The following ADAMTS16 variants were observed in gnomAD, a reference collection of about 807,000 sequenced individuals.
ADAMTS16 encodes the protein ADAM metallopeptidase with thrombospondin type 1 motif 16, also known as A disintegrin and metalloproteinase with thrombospondin motifs 16.
In ADAMTS16, 94 loss-of-function variants were observed where a neutral mutation model predicts 145.8. The ratio of observed to expected loss-of-function variants is 0.64; its 90% CI spans 0.55 to 0.77. The LOEUF is 0.77. ADAMTS16 is among the 30% of genes least tolerant of loss of function. The probability of loss-of-function intolerance (pLI) is 0.00; values close to 1 mark genes in which losing one functional copy is unlikely to be tolerated. For synonymous variants in ADAMTS16, 659 were observed against 604.3 expected (o/e 1.09, Z -1.33); for missense variants, 1,585 against 1,591.5 (o/e 1.00, Z 0.07).
intron 17 of ADAMTS16, among the ~76,000 whole-genome samples, chr5:5,257,978 C>T (rs1413535431): frequency 6.6e-6 from 1 of 152,174 alleles, no homozygotes; most frequent in East Asian, 1.9e-4. Context: ...CATGGGTTTA[C>T]TACAAAGGTT....
intron 10 of ADAMTS16, among the ~76,000 whole-genome samples, chr5:5,212,910 G>A (rs35676761): frequency 0.24 from 36,451 of 151,924 alleles, 5,629 homozygotes; most frequent in East Asian, 0.64. Context: ...TTTAAATTCA[G>A]TATTTTACCT....
intron 3 of ADAMTS16, among the ~76,000 whole-genome samples, chr5:5,179,159 A>G (rs767643489): frequency 3.3e-5 from 5 of 149,292 alleles, no homozygotes; most frequent in Non-Finnish European, 7.4e-5. Context: ...TAGATGACAG[A>G]GCAGCACAGA....
Position 5,241,853 on chromosome 5 carries a change from AT to A in ADAMTS16, c.2524-193del, listed in dbSNP as rs527241795. Among the ~76,000 whole-genome samples, 659 of 151,694 alleles carry A rather than the reference AT, an allele frequency of 4.3e-3. 6 individuals are homozygous for A. The highest frequency in any genetic ancestry group is 0.015 in the African/African-American group (635 of 41,368). ...TGTAAGGAGAAGGTACAGTCTAGAC[AT>A]TTTTTTAGATGAGCTTGAATCTAGA... On this transcript the variant is annotated intron_variant, in intron 16 of 22. Coordinates refer to ENST00000274181, the MANE Select transcript of ADAMTS16 (RefSeq NM_139056.4).
chr5:5,227,265 A>C (rs971073589), intron 11 of ADAMTS16, among the ~76,000 whole-genome samples: 2 of 152,156 alleles, frequency 1.3e-5, no homozygotes, highest in Non-Finnish European at 2.9e-5. Context: ...TGACGTGCTT[A>C]TTTTGTGAAC....
rs1735664337 is a variant in ADAMTS16 at position 5,191,634 on chromosome 5, T to G, written c.1208-51T>G. On this transcript the variant is annotated intron_variant, in intron 7 of 22. Coordinates refer to ENST00000274181, the MANE Select transcript of ADAMTS16 (RefSeq NM_139056.4). Reference sequence around the variant, plus strand: ...GGGTAGAAAATAAATATACTATGCTTTATTTTATTACAACACCGCTATGTG... The same window carrying G: ...GGGTAGAAAATAAATATACTATGCTGTATTTTATTACAACACCGCTATGTG... The G allele has an allele frequency of 2.1e-6, 3 of 1,452,534 alleles. No individual in the cohort carries two copies. In the Admixed American group the frequency reaches 5.2e-5, roughly 25 times the overall value. The allele number at this position is 1,452,534 out of a possible 1,614,324, so 90.0% of individuals were successfully genotyped here.
Position 5,319,231 on chromosome 5 carries a change from G to A in ADAMTS16, c.*93G>A. On this transcript the variant is annotated 3_prime_UTR_variant, in exon 23 of 23. Coordinates refer to ENST00000274181, the MANE Select transcript of ADAMTS16 (RefSeq NM_139056.4). ...GCAATCTACGTCGGAATACATCCAA[G>A]GAAGAGCAAAGCCAAAAGAAGAAAA... 2 of 946,036 alleles carry A rather than the reference G, an allele frequency of 2.1e-6. No homozygotes were observed. The highest frequency in any genetic ancestry group is 4.1e-5 in the Admixed American group (2 of 48,678). The allele number at this position is 946,036 out of a possible 1,614,324, so 58.6% of individuals were successfully genotyped here. A position where few individuals can be genotyped will look rare whatever the true frequency, so the allele number is the denominator to read the frequency against.
At chr5:5,299,072 C>A (rs1326324974) in intron 18 of ADAMTS16, among the ~76,000 whole-genome samples, 1 of 152,174 alleles carries the variant, frequency 6.6e-6, no homozygotes, top group East Asian at 1.9e-4. Context: ...GCAGCTGGAG[C>A]CCTGATACTT....
At chr5:5,222,678 G>A (rs749903710) in intron 10 of ADAMTS16, 111 bp from the exon 11 acceptor site, 28 of 851,386 alleles carry the variant, frequency 3.3e-5, no homozygotes, top group Admixed American at 6.3e-5. Context: ...GTAGGCATTC[G>A]CTTGTAAATT....
rs142902341 is a variant in ADAMTS16, at chr5:5,259,184, T to C, written c.2663-3473T>C. Reference sequence around the variant, plus strand: ...ACTTCCACTCTGCGGCCATTTGGGTTATCGTGCACAGCTACTGTGAATCCT... The same window carrying C: ...ACTTCCACTCTGCGGCCATTTGGGTCATCGTGCACAGCTACTGTGAATCCT... On this transcript the variant is annotated intron_variant, in intron 17 of 22. Coordinates refer to ENST00000274181, the MANE Select transcript of ADAMTS16 (RefSeq NM_139056.4). Among the ~76,000 whole-genome samples, 334 of 152,332 alleles carry C rather than the reference T, an allele frequency of 2.2e-3. 1 individual carries two copies. The highest frequency in any genetic ancestry group is 7.4e-3 in the African/African-American group (308 of 41,576).
rs559537095 is a variant in ADAMTS16, at chr5:5,156,646, A to T, written c.501+10191A>T. 3.9e-5 allele frequency among the ~76,000 whole-genome samples: 6 copies of T among 152,250 alleles called. No homozygotes were observed. In the East Asian group the frequency reaches 7.7e-4, roughly 20 times the overall value. On this transcript the variant is annotated intron_variant, in intron 3 of 22. Coordinates refer to ENST00000274181, the MANE Select transcript of ADAMTS16 (RefSeq NM_139056.4). The stretch of plus-strand genomic sequence containing the variant: ...TGCTTTGATTAAAATTAAGCCTCCT[A>T]TGTAGCTTGCCAGGAGGGAGAAGGA...
rs1740399657 is a variant in ADAMTS16, at chr5:5,310,883, C to T, written c.3411+4155C>T. ...CTTGTCTCATTTTGTCTGTTCCTGA[C>T]CCCAGAGAGGGTCAGCTGCCTGAAG... On this transcript the variant is annotated intron_variant, in intron 21 of 22. Transcript: ENST00000274181. The surrounding 1 kb of genome is among the most constrained non-coding windows in gnomAD (Gnocchi z 4.3). Among the ~76,000 whole-genome samples, 1 of 152,178 alleles carries T rather than the reference C, an allele frequency of 6.6e-6. No individual in the cohort carries two copies. The highest frequency in any genetic ancestry group is 6.5e-5 in the Admixed American group (1 of 15,288).
intron 10 of ADAMTS16, among the ~76,000 whole-genome samples, chr5:5,210,307 T>C (rs1173719983): frequency 6.6e-6 from 1 of 152,196 alleles, no homozygotes; most frequent in East Asian, 1.9e-4. Flanking sequence ...GGTAGTTAGC[T>C]TTGTGACCAC....
At chr5:5,254,979 G>C (rs182318247) in intron 17 of ADAMTS16, among the ~76,000 whole-genome samples, 4 of 152,156 alleles carry the variant, frequency 2.6e-5, no homozygotes, top group Admixed American at 2.6e-4. Context: ...AGCTGAATCT[G>C]CTGCTTTTTG....
intron 3 of ADAMTS16, among the ~76,000 whole-genome samples, chr5:5,178,221 T>G (rs1209688296): frequency 6.6e-6 from 1 of 152,198 alleles, no homozygotes; most frequent in East Asian, 1.9e-4. Context: ...TTTGGTGAGT[T>G]TTTCTAATGT....
intron 18 of ADAMTS16, among the ~76,000 whole-genome samples, chr5:5,293,247 G>A (rs1472296293): frequency 6.6e-6 from 1 of 152,154 alleles, no homozygotes; most frequent in African/African-American, 2.4e-5. Context: ...CATTGAACCT[G>A]AGGACAGTTA....
In ADAMTS16 at chr5:5,296,941, C is replaced by A. The variant is rs552553650; in HGVS notation, c.2790-6327C>A. 2.2e-3 allele frequency among the ~76,000 whole-genome samples: 333 copies of A among 152,284 alleles called. 4 individuals carry two copies. Among genetic ancestry groups the A allele is most frequent in the African/African-American group, 7.8e-3 (326 of 41,552 alleles). Reference sequence around the variant, plus strand: ...GCTCAATGGGTGGGTGTTGAAGGGGCACAGAAGCGGCAAGGGAGAGGTGGC... The same window carrying A: ...GCTCAATGGGTGGGTGTTGAAGGGGAACAGAAGCGGCAAGGGAGAGGTGGC... On this transcript the variant is annotated intron_variant, in intron 18 of 22. Coordinates refer to ENST00000274181, the MANE Select transcript of ADAMTS16 (RefSeq NM_139056.4).
chr5:5,152,303 TG>T (rs1734491550), intron 3 of ADAMTS16, among the ~76,000 whole-genome samples: 1 of 152,234 alleles, frequency 6.6e-6, no homozygotes, highest in South Asian at 2.1e-4. Flanking sequence ...AGAGCTCCGG[TG>T]GGGATGGTAA....
At chr5:5,270,564 A>G (rs1003326591) in intron 18 of ADAMTS16, among the ~76,000 whole-genome samples, 1 of 152,372 alleles carries the variant, frequency 6.6e-6, no homozygotes, top group East Asian at 1.9e-4. Context: ...TTATGAATTT[A>G]GTCTATAAAG....
chr5:5,224,537 C>T (rs1040326281), intron 11 of ADAMTS16, among the ~76,000 whole-genome samples: 5 of 152,142 alleles, frequency 3.3e-5, no homozygotes, highest in African/African-American at 7.2e-5. Flanking sequence ...GATCCACCTG[C>T]CTGAGCCTCC....
Sources: gnomAD v4.1 joint callset for allele counts (sites outside exome capture counted in the v4.1 genomes callset) on GRCh38, gnomAD v4.1.1 for gene constraint, Gnocchi (gnomAD v3.1) non-coding constraint, MANE v1.5 for transcripts, NCBI Gene and HGNC (gene_info 2026-07-23, HGNC 2026-07-21) for gene names.